HDAC9: variants seen among roughly 807,000 people sequenced by gnomAD.
HDAC9 encodes the protein MEF-2 interacting transcription repressor (MITR) protein.
In HDAC9, 41 loss-of-function variants were observed where a neutral mutation model predicts 139.4. The ratio of observed to expected loss-of-function variants is 0.29; its 90% CI spans 0.23 to 0.38. The LOEUF (loss-of-function observed/expected upper bound fraction) is 0.38. HDAC9 is among the 10% of genes least tolerant of loss of function. The pLI, the probability that HDAC9 is intolerant of heterozygous loss-of-function variation, is 1.00. For synonymous variants in HDAC9, 517 were observed against 476.2 expected, an observed-to-expected ratio of 1.09 and a Z score of -1.12; for missense variants, 1,147 against 1,297.0, an observed-to-expected ratio of 0.88 and a Z score of 1.78.
At chr7:18,651,483 G>A (rs1789242591) in intron 11 of HDAC9, among the ~76,000 whole-genome samples, 1 of 152,048 alleles carries the variant, frequency 6.6e-6, no homozygotes, top group African/African-American at 2.4e-5. Context: ...TTCTAAACCT[G>A]TATCAGATTA....
chr7:18,928,920 T>C (rs897850557), intron 22 of HDAC9, among the ~76,000 whole-genome samples: 5 of 152,020 alleles, frequency 3.3e-5, no homozygotes, highest in African/African-American at 1.2e-4. Flanking sequence ...TTATTTTCTA[T>C]CATCTTCCAA....
intron 8 of HDAC9, among the ~76,000 whole-genome samples, chr7:18,635,183 G>C (rs1357387778): frequency 1.3e-5 from 2 of 151,792 alleles, no homozygotes; most frequent in African/African-American, 4.8e-5. Context: ...GTGCCGATGT[G>C]AGTAGACACA....
In HDAC9 at chr7:18,689,193, T is replaced by G. The variant is rs146277338; in HGVS notation, c.1731+22717T>G. Among the ~76,000 whole-genome samples, 67 of 151,684 alleles carry G rather than the reference T, an allele frequency of 4.4e-4. 2 individuals carry two copies. In the East Asian group the frequency reaches 0.01, roughly 23 times the overall value. ...TGGAGAAGAAATCCTGGATTTGGAT[T>G]TGGGGGAGCTTTCTTTTCTAAACAT... is the stretch of plus-strand genomic sequence containing the variant. On this transcript the variant is annotated intron_variant, in intron 12 of 25. Transcript: ENST00000686413.
rs191473443 is a variant in HDAC9 at position 18,676,815 on chromosome 7, G to A, written c.1731+10339G>A. Among the ~76,000 whole-genome samples, 19 of 151,796 alleles carry A rather than the reference G, an allele frequency of 1.3e-4. No individual in the cohort carries two copies. The East Asian group carries it at 3.5e-3, about 28-fold the overall frequency. The stretch of plus-strand genomic sequence containing the variant: ...TCATTATAACCTTTTTCTGGATATG[G>A]AAGCAGATAATATTTTCTTCCTTAA... On this transcript the variant is annotated intron_variant, in intron 12 of 25. Coordinates refer to ENST00000686413, the MANE Select transcript of HDAC9 (RefSeq NM_178425.4).
intron 2 of HDAC9, among the ~76,000 whole-genome samples, chr7:18,569,549 G>A (rs1279932926): frequency 6.6e-6 from 1 of 152,188 alleles, no homozygotes; most frequent in African/African-American, 2.4e-5. Flanking sequence ...GTATTGAGAA[G>A]CATTCTGTAA....
intron 23 of HDAC9, among the ~76,000 whole-genome samples, chr7:18,945,380 C>G (rs1187033282): frequency 6.6e-6 from 1 of 152,156 alleles, no homozygotes; most frequent in Non-Finnish European, 1.5e-5. Flanking sequence ...TTTTTCCTTA[C>G]TGATTTAGCA....
chr7:18,784,923 T>C (rs929287651), intron 16 of HDAC9, among the ~76,000 whole-genome samples: 2 of 147,908 alleles, frequency 1.4e-5, no homozygotes, highest in Admixed American at 1.4e-4. Context: ...AAAACTTGGC[T>C]TTTAATAGGT....
At chr7:18,676,681 CAT>C (rs1562843175) in intron 12 of HDAC9, among the ~76,000 whole-genome samples, 2 of 151,902 alleles carry the variant, frequency 1.3e-5, no homozygotes, top group African/African-American at 2.4e-5. Flanking sequence ...CTGACAAACT[CAT>C]AAAAATATCC....
In HDAC9 at chr7:18,867,063, A is replaced by G. The variant is rs139023570; in HGVS notation, c.2685-7415A>G. 5.9e-5 allele frequency among the ~76,000 whole-genome samples: 9 copies of G among 152,254 alleles called. No individual in the cohort carries two copies. The East Asian group carries it at 1.5e-3, about 26-fold the overall frequency. On this transcript the variant is annotated intron_variant, in intron 21 of 25. Transcript: ENST00000686413. ...CTAGTCACATGATTTGTATCTCTTT[A>G]TGTTAGTGGTAGTACTCTTTCTGTC...
intron 21 of HDAC9, among the ~76,000 whole-genome samples, chr7:18,847,580 C>T (rs771541623): frequency 6.6e-6 from 1 of 152,140 alleles, no homozygotes; most frequent in Non-Finnish European, 1.5e-5. Context: ...ATAAAGACGC[C>T]TCAGGAGACT....
At chr7:18,249,559 AG>A (rs1250785164) in intron 2 of HDAC9, among the ~76,000 whole-genome samples, 13 of 150,796 alleles carry the variant, frequency 8.6e-5, no homozygotes, top group African/African-American at 3.1e-4. Flanking sequence ...CTGTTTTTTA[AG>A]TGGGTAGTTT....
chr7:18,741,554 T>C (rs564791070), intron 13 of HDAC9, among the ~76,000 whole-genome samples: 20 of 152,326 alleles, frequency 1.3e-4, no homozygotes, highest in African/African-American at 4.8e-4. Flanking sequence ...ACCCAAGAAC[T>C]CTGATGGACA....
intron 1 of HDAC9, among the ~76,000 whole-genome samples, chr7:18,137,998 A>C (rs1449434984): frequency 6.6e-6 from 1 of 152,142 alleles, no homozygotes; most frequent in Admixed American, 6.5e-5. Context: ...TTATTGGTCT[A>C]TTCAGAGATT....
At chr7:18,117,184 G>T (rs915609770) in intron 1 of HDAC9, among the ~76,000 whole-genome samples, 3 of 152,094 alleles carry the variant, frequency 2.0e-5, no homozygotes, top group Non-Finnish European at 4.4e-5. Flanking sequence ...GGTCTTTGCC[G>T]ATGTAATGAA....
At chr7:18,841,441 T>C (rs1440506833) in intron 21 of HDAC9, among the ~76,000 whole-genome samples, 1 of 152,142 alleles carries the variant, frequency 6.6e-6, no homozygotes, top group African/African-American at 2.4e-5. Context: ...CTTTAATTTT[T>C]GCTAGTTGTT....
intron 22 of HDAC9, among the ~76,000 whole-genome samples, chr7:18,932,036 G>A (rs775467616): frequency 6.6e-6 from 1 of 152,080 alleles, no homozygotes; most frequent in Non-Finnish European, 1.5e-5. Context: ...CATAACAAAT[G>A]TACCAAAATG....
At chr7:18,958,665 CT>C (rs1380979987) in intron 24 of HDAC9, among the ~76,000 whole-genome samples, 1 of 152,134 alleles carries the variant, frequency 6.6e-6, no homozygotes, top group Non-Finnish European at 1.5e-5. Context: ...ATTAGGTGCT[CT>C]GCAAATGTGT....
intron 1 of HDAC9, among the ~76,000 whole-genome samples, chr7:18,374,402 T>TA (rs1279964205): frequency 2.6e-5 from 4 of 152,020 alleles, no homozygotes; most frequent in African/African-American, 4.8e-5. Context: ...AGAGAGCACT[T>TA]ACAACACAAG....
chr7:18,247,928 T>TA (rs1286848768), intron 2 of HDAC9, among the ~76,000 whole-genome samples: 3 of 152,204 alleles, frequency 2.0e-5, no homozygotes, highest in Non-Finnish European at 4.4e-5. Context: ...ATGTACTTTT[T>TA]ATAGGTTAGC....
Sources: gnomAD v4.1 joint callset for allele counts (sites outside exome capture counted in the v4.1 genomes callset) on GRCh38, gnomAD v4.1.1 for gene constraint, MANE v1.5 for transcripts, NCBI Gene and HGNC (gene_info 2026-07-23, HGNC 2026-07-21) for gene names.